The following MUC5B variants were observed in gnomAD, a reference collection of about 807,000 sequenced individuals.
MUC5B encodes mucin-5B.
MUC5B carries 116 observed loss-of-function variants against 376.9 expected under a neutral mutation model. The ratio of observed to expected loss-of-function variants is 0.31; its 90% CI spans 0.26 to 0.36. The LOEUF (loss-of-function observed/expected upper bound fraction) is 0.36. Ranked by LOEUF, MUC5B falls within the 10% of genes least tolerant of loss-of-function variation. The pLI, the probability that MUC5B is intolerant of heterozygous loss-of-function variation, is 1.00. For synonymous variants in MUC5B, 3,517 were observed against 3,390.9 expected, an observed-to-expected ratio of 1.04 and a Z score of -1.29; for missense variants, 7,165 against 7,769.9, an observed-to-expected ratio of 0.92 and a Z score of 2.93.
intron 48 of MUC5B, among the ~76,000 whole-genome samples, chr11:1,260,941 G>A (rs1324836024): frequency 2.0e-5 from 3 of 152,190 alleles, no homozygotes; most frequent in Non-Finnish European, 2.9e-5. Context: ...CGGCTGAGCC[G>A]AGCCACATGG....
In MUC5B at chr11:1,246,470, C is replaced by A; in HGVS notation, c.9590C>A (p.Thr3197Asn). The change falls in exon 31 of 49, where the codon ACC (threonine) becomes AAC (asparagine). Residue 3197 changes from threonine to asparagine, a missense_variant. Thr to Asn is a moderately conservative substitution (Grantham distance 65). Coordinates refer to ENST00000529681, the MANE Select transcript of MUC5B (RefSeq NM_002458.3). ...ACTGCTGGCACCCTCAAAGTGCTGA[C>A]CAGCACGGCCACCACACCCACAGTC... ...RATAGTLKVL[T>N]STATTPTVIS... The A allele has an allele frequency of 1.9e-6, 3 of 1,613,610 alleles. No individual in the cohort carries two copies. Among genetic ancestry groups the A allele is most frequent in the Non-Finnish European group, 2.5e-6 (3 of 1,179,764 alleles).
chr11:1,226,830 C>T lies in MUC5B; in HGVS notation c.415C>T (p.Leu139=), dbSNP rs1415196559. ...VTRVVIKAQG[L]VLEASNGSVL... ...CCGTGTTGTCATCAAGGCCCAGGGG[C>T]TGGTGCTGGAGGCGTCCAACGGCTC... Residue 139 remains leucine (L), a synonymous_variant, in exon 4 of 49, where the codon CTG becomes TTG. Transcript: ENST00000529681. 3.7e-6 allele frequency: 6 copies of T among 1,610,134 alleles called. No individual in the cohort carries two copies. Among genetic ancestry groups the T allele is most frequent in the Non-Finnish European group, 5.1e-6 (6 of 1,179,766 alleles).
At chr11:1,227,460 C>A in intron 6 of MUC5B, 62 bp downstream of exon 6, 4 of 1,342,924 alleles carry the variant, frequency 3.0e-6, no homozygotes, top group Non-Finnish European at 4.2e-6. Flanking sequence ...GAGCCACAGT[C>A]CCGGGGAGGC....
Position 1,258,951 on chromosome 11 carries a change from A to G in MUC5B, c.16603A>G (p.Thr5535Ala). The change falls in exon 44 of 49, where the codon ACC (threonine) becomes GCC (alanine). Residue 5535 changes from threonine (T) to alanine (A), a missense_variant. Transcript: ENST00000529681. The surrounding 1 kb of genome is among the most constrained non-coding windows in gnomAD (Gnocchi z 5.5). The part of the protein sequence containing the change: ...YNGTFYGVGA[T>A]FPGALPCHMC... ...CTCCCACCCCTTGCAGGTTGGTGCA[A>G]CCTTCCCAGGCGCCCTTCCCTGCCA... The G allele has an allele frequency of 6.4e-7, 1 of 1,550,956 alleles. No individual in the cohort carries two copies. Among genetic ancestry groups the G allele is most frequent in the East Asian group, 2.4e-5 (1 of 40,956 alleles).
At position 1,229,012 on chromosome 11, in the gene MUC5B, G is replaced by T. The variant is rs2075858; in HGVS notation, c.977-158G>T. On this transcript the variant is annotated intron_variant, in intron 8 of 48. Transcript: ENST00000529681. ...TGGCGGGGGCTGGGGCTGGAGGGTGGAGCTGCCCACGATGAGGGGCGTCAG... is the reference window on the plus strand; with the variant it reads ...TGGCGGGGGCTGGGGCTGGAGGGTGTAGCTGCCCACGATGAGGGGCGTCAG... Among the ~76,000 whole-genome samples, 17,036 of 152,088 alleles carry T rather than the reference G, an allele frequency of 0.11. 1,168 individuals are homozygous for T. The highest frequency in any genetic ancestry group is 0.13 in the Non-Finnish European group (9,029 of 67,950).
In MUC5B at chr11:1,242,036, C is replaced by G; in HGVS notation, c.5156C>G (p.Pro1719Arg). The G allele has an allele frequency of 6.3e-7, 1 of 1,590,872 alleles. No individual in the cohort carries two copies. Among genetic ancestry groups the G allele is most frequent in the South Asian group, 1.1e-5 (1 of 88,432 alleles). Residue 1719 changes from proline to arginine, a missense_variant, in exon 31 of 49, where the codon CCA (proline) becomes CGA (arginine). Physicochemically the swap from Pro to Arg is moderately radical, Grantham distance 103. Transcript: ENST00000529681. ...WRPSQPPTLAPTTMATSRARP... is the reference protein window; with the variant it reads ...WRPSQPPTLARTTMATSRARP... ...CCCTCACAGCCACCCACGCTGGCCC[C>G]AACAACAATGGCAACCTCCAGAGCT...
Position 1,227,735 on chromosome 11 carries a change from A to G in MUC5B, c.728A>G (p.Gln243Arg). Residue 243 changes from glutamine (Q) to arginine (R), a missense_variant, in exon 7 of 49, where the codon CAG becomes CGG. This residue lies in a region of MUC5B where 640 missense variants were observed against 733.0 expected (regional missense o/e 0.87). Coordinates refer to ENST00000529681, the MANE Select transcript of MUC5B (RefSeq NM_002458.3). The part of the protein sequence containing the change: ...NLQKLDGPTE[Q>R]CPDPLPLPAG... ...CAGAAGTTGGATGGGCCCACGGAGC[A>G]GTGCCCGGACCCGCTGCCCTTGCCG... 1 of 722,680 alleles carries G rather than the reference A, an allele frequency of 1.4e-6. No homozygotes were observed. Among genetic ancestry groups the G allele is most frequent in the East Asian group, 2.7e-5 (1 of 37,598 alleles). The allele number at this position is 722,680 out of a possible 1,614,324, so 44.8% of individuals were successfully genotyped here. A position where few individuals can be genotyped will look rare whatever the true frequency, so the allele number is the denominator to read the frequency against.
In MUC5B at chr11:1,252,993, G is replaced by C. The variant is rs372165897; in HGVS notation, c.15217+13G>C. The C allele has an allele frequency of 5.0e-6, 8 of 1,612,338 alleles. No homozygotes were observed. In the African/African-American group the frequency reaches 9.3e-5, roughly 19 times the overall value. On this transcript the variant is annotated intron_variant, in intron 33 of 48. Coordinates refer to ENST00000529681, the MANE Select transcript of MUC5B (RefSeq NM_002458.3). ...TATGAGTGCGAGTGTGAGTGCGTCG[G>C]TGGCCGCGGGATTACCCCGGGGGCA...
Position 1,251,259 on chromosome 11 carries a change from G to T in MUC5B, c.14379G>T (p.Leu4793=). The part of the protein sequence containing the change: ...TPETTHTSTV[L]TTTATMTRAT... Reference sequence around the variant, plus strand: ...AGACCACCCACACCTCCACAGTGCTGACCACCACAGCCACCATGACAAGGG... The same window carrying T: ...AGACCACCCACACCTCCACAGTGCTTACCACCACAGCCACCATGACAAGGG... The change falls in exon 31 of 49, where the codon CTG becomes CTT. Residue 4793 remains leucine (L), a synonymous_variant. Transcript: ENST00000529681. 6.2e-7 allele frequency: 1 copy of T among 1,611,166 alleles called. No individual in the cohort carries two copies. The highest frequency in any genetic ancestry group is 8.5e-7 in the Non-Finnish European group (1 of 1,178,260).
At chr11:1,224,109 C>A (rs1215522528) in intron 1 of MUC5B, among the ~76,000 whole-genome samples, 1 of 152,204 alleles carries the variant, frequency 6.6e-6, no homozygotes, top group Non-Finnish European at 1.5e-5. Flanking sequence ...ACCAGAATAG[C>A]CACCTCCTTG....
At chr11:1,255,287 T>C (rs1435906045) in intron 36 of MUC5B, 21 bp downstream of exon 36, 9 of 1,334,708 alleles carry the variant, frequency 6.7e-6, no homozygotes, top group East Asian at 4.0e-5. Context: ...CCCTCGGGGG[T>C]TGCAGGCCCT....
Position 1,258,176 on chromosome 11 carries a change from G to A in MUC5B, c.16528G>A (p.Gly5510Ser), listed in dbSNP as rs775544750. The change falls in exon 42 of 49, where the codon GGC (glycine) becomes AGC (serine). Residue 5510 changes from glycine to serine, a missense_variant. Physicochemically the swap from Gly to Ser is moderately conservative, Grantham distance 56. Around this residue, in one of 31 missense-constraint regions of MUC5B, gnomAD observed 842 missense variants for 1,016.9 expected, o/e 0.83. Transcript: ENST00000529681. The surrounding 1 kb of genome is among the most constrained non-coding windows in gnomAD (Gnocchi z 5.5). ...GGAGTCCATCTGCACCCAGGAGGAG[G>A]GCGACTGCTGTCCCACCTTCCGCTG... ...GQESICTQEEGDCCPTFRCRP... is the reference protein window; with the variant it reads ...GQESICTQEESDCCPTFRCRP... The A allele has an allele frequency of 1.3e-6, 2 of 1,599,924 alleles. No homozygotes were observed. Among genetic ancestry groups the A allele is most frequent in the South Asian group, 1.1e-5 (1 of 88,482 alleles).
chr11:1,257,141 G>A lies in MUC5B; in HGVS notation c.16238-99G>A, dbSNP rs1564953182. ...GTTCTCCAGGGCCTTCCATCCCGGG[G>A]GGAAGCAGGCTCCAGGCCTGAGAGC... On this transcript the variant is annotated intron_variant, in intron 39 of 48. Coordinates refer to ENST00000529681, the MANE Select transcript of MUC5B (RefSeq NM_002458.3). The surrounding 1 kb of genome is among the most constrained non-coding windows in gnomAD (Gnocchi z 8.9). 1 of 762,488 alleles carries A rather than the reference G, an allele frequency of 1.3e-6. No individual in the cohort carries two copies. Among genetic ancestry groups the A allele is most frequent in the Non-Finnish European group, 2.4e-6 (1 of 408,266 alleles). 47.2% of individuals were successfully genotyped at this position (762,488 alleles called of 1,614,324 possible). A position where few individuals can be genotyped will look rare whatever the true frequency, so the allele number is the denominator to read the frequency against.
rs1157611429 is a variant in MUC5B, at chr11:1,262,043, C to T, written c.*435C>T. ...GAAGCTGCGACAGGCAAGGCGGCCG[C>T]CTGTCCATGCCTGCTGCAGGGTAAC... is the stretch of plus-strand genomic sequence containing the variant. On this transcript the variant is annotated 3_prime_UTR_variant, in exon 49 of 49. Coordinates refer to ENST00000529681, the MANE Select transcript of MUC5B (RefSeq NM_002458.3). The T allele has an allele frequency of 7.6e-6, 4 of 523,902 alleles. No homozygotes were observed. Among genetic ancestry groups the T allele is most frequent in the Non-Finnish European group, 1.5e-5 (4 of 264,196 alleles). The allele number at this position is 523,902 out of a possible 1,614,324, so 32.5% of individuals were successfully genotyped here.
At position 1,252,845 on chromosome 11, in the gene MUC5B, G is replaced by T; in HGVS notation, c.15082G>T (p.Ala5028Ser). 3.1e-6 allele frequency: 5 copies of T among 1,611,612 alleles called. No individual in the cohort carries two copies. Among genetic ancestry groups the T allele is most frequent in the Non-Finnish European group, 4.2e-6 (5 of 1,179,432 alleles). ...ETWTLENCTV[A>S]RCVGDNRVVL... The stretch of plus-strand genomic sequence containing the variant: ...CTGGACCCTGGAGAACTGCACGGTG[G>T]CCAGGTGCGTGGGTGACAACCGTGT... Residue 5028 changes from alanine (A) to serine (S), a missense_variant, in exon 33 of 49, where the codon GCC (alanine) becomes TCC (serine). This residue lies in a region of MUC5B where 842 missense variants were observed against 1,016.9 expected (regional missense o/e 0.83). Coordinates refer to ENST00000529681, the MANE Select transcript of MUC5B (RefSeq NM_002458.3).
Position 1,227,365 on chromosome 11 carries a change from G to C in MUC5B, c.634G>C (p.Gly212Arg), listed in dbSNP as rs756096079. Residue 212 changes from glycine to arginine, a missense_variant, in exon 6 of 49, where the codon GGC becomes CGC. Gly to Arg is a moderately radical substitution (Grantham distance 125). Transcript: ENST00000529681. ...QTCGLCGDFN[G>R]LPAFNEFYAH... The stretch of plus-strand genomic sequence containing the variant: ...CTGTGGCCTGTGTGGGGACTTCAAC[G>C]GCCTCCCGGCCTTCAACGAGTTCTA... 6.2e-7 allele frequency: 1 copy of C among 1,612,430 alleles called. No homozygotes were observed. The highest frequency in any genetic ancestry group is 1.1e-5 in the South Asian group (1 of 91,002).
At position 1,225,845 on chromosome 11, in the gene MUC5B, A is replaced by G. The variant is rs897578332; in HGVS notation, c.127+108A>G. The G allele has an allele frequency of 2.7e-6, 3 of 1,099,924 alleles. No homozygotes were observed. In the African/African-American group the frequency reaches 4.7e-5, roughly 17 times the overall value. The allele number at this position is 1,099,924 out of a possible 1,614,324, so 68.1% of individuals were successfully genotyped here. A position where few individuals can be genotyped will look rare whatever the true frequency, so the allele number is the denominator to read the frequency against. ...CCAAGCAGCCATGCGTCTGACAGAG[A>G]CCCTCCCTGGGTCCCCTGCCCAGGA... On this transcript the variant is annotated intron_variant, in intron 2 of 48. Coordinates refer to ENST00000529681, the MANE Select transcript of MUC5B (RefSeq NM_002458.3).
intron 38 of MUC5B, chr11:1,256,458 AC>A (rs1862837269): frequency 3.4e-6 from 1 of 295,822 alleles, no homozygotes; most frequent in African/African-American, 3.4e-5. Context: ...TGGCCCCGCC[AC>A]CGAGCCCCAC....
chr11:1,246,396 C>A lies in MUC5B; in HGVS notation c.9516C>A (p.Thr3172=). 1 of 1,613,446 alleles carries A rather than the reference C, an allele frequency of 6.2e-7. No individual in the cohort carries two copies. Among genetic ancestry groups the A allele is most frequent in the African/African-American group, 1.3e-5 (1 of 74,906 alleles). Residue 3172 remains threonine, a synonymous_variant, in exon 31 of 49, where the codon ACC becomes ACA. Coordinates refer to ENST00000529681, the MANE Select transcript of MUC5B (RefSeq NM_002458.3). ...TCACAGAGCCCAGCACTACAGCCAC[C>A]GTGACGGTGCCCACCGGATCCACGG... ...WILTEPSTTA[T]VTVPTGSTAT...
Sources: gnomAD v4.1 joint callset for allele counts (sites outside exome capture counted in the v4.1 genomes callset) on GRCh38, gnomAD v4.1.1 for gene constraint, gnomAD v4.1.1 regional missense constraint, Gnocchi (gnomAD v3.1) non-coding constraint, MANE v1.5 for transcripts, NCBI Gene and HGNC (gene_info 2026-07-23, HGNC 2026-07-21) for gene names.